REDIC1: variants seen among roughly 807,000 people sequenced by gnomAD.
REDIC1 encodes HEI10 Interacting Protein 1.
chr12:39,856,358 C>T, the REDIC1 span, among the ~76,000 whole-genome samples: 1 of 151,970 alleles, frequency 6.6e-6, no homozygotes, highest in Non-Finnish European at 1.5e-5. Context: ...CTTTGCTATG[C>T]TTTATTTTAT....
the REDIC1 span, among the ~76,000 whole-genome samples, chr12:39,676,167 A>T: frequency 6.6e-6 from 1 of 152,190 alleles, no homozygotes; most frequent in Non-Finnish European, 1.5e-5. Context: ...AGGTACTAGA[A>T]AAGGGAGAAC....
the REDIC1 span, among the ~76,000 whole-genome samples, chr12:39,816,311 G>A: frequency 7.3e-5 from 11 of 151,626 alleles, no homozygotes; most frequent in Non-Finnish European, 1.3e-4. Context: ...ATGAAAGGCC[G>A]TAGGTTGGGT....
chr12:39,820,396 T>C, the REDIC1 span, among the ~76,000 whole-genome samples: 5 of 152,198 alleles, frequency 3.3e-5, no homozygotes, highest in African/African-American at 9.6e-5. Context: ...TGATTGGCAT[T>C]GGTTCATGAA....
At chr12:39,659,874 CCTTGGAAACACTATGGTA>C in the REDIC1 span, among the ~76,000 whole-genome samples, 4 of 152,120 alleles carry the variant, frequency 2.6e-5, no homozygotes, top group East Asian at 5.8e-4. Context: ...TGCACATCAT[CCTTGGAAACACTATGGTA>C]CTTGGAAACA....
At chr12:39,707,795 T>G in the REDIC1 span, among the ~76,000 whole-genome samples, 2 of 151,860 alleles carry the variant, frequency 1.3e-5, no homozygotes, top group Non-Finnish European at 2.9e-5. Flanking sequence ...TCATATAACC[T>G]TTAAAATCAA....
At chr12:39,789,385 G>C in the REDIC1 span, among the ~76,000 whole-genome samples, 1 of 152,012 alleles carries the variant, frequency 6.6e-6, no homozygotes, top group Non-Finnish European at 1.5e-5. Context: ...TTTAGCTACA[G>C]TTTATTTTGA....
At chr12:39,846,161 T>C in the REDIC1 span, among the ~76,000 whole-genome samples, 8 of 152,250 alleles carry the variant, frequency 5.3e-5, no homozygotes, top group East Asian at 1.9e-4. Flanking sequence ...TTCAGAACCA[T>C]ATAGATAAGA....
the REDIC1 span, among the ~76,000 whole-genome samples, chr12:39,713,678 T>C: frequency 6.9e-6 from 1 of 145,278 alleles, no homozygotes; most frequent in Non-Finnish European, 1.5e-5. Flanking sequence ...CATATGTATG[T>C]ATGCCTGTAT....
At chr12:39,788,793 T>C in the REDIC1 span, 1 of 152,172 alleles carries the variant, frequency 6.6e-6, no homozygotes, top group Non-Finnish European at 1.5e-5. Flanking sequence ...TGATTTGTAT[T>C]AGAAAGTAGC....
the REDIC1 span, among the ~76,000 whole-genome samples, chr12:39,883,187 T>C: frequency 6.6e-6 from 1 of 152,162 alleles, no homozygotes; most frequent in Non-Finnish European, 1.5e-5. Context: ...TAAGAAAGCA[T>C]TCAAACAATC....
the REDIC1 span, among the ~76,000 whole-genome samples, chr12:39,798,288 G>C: frequency 6.6e-6 from 1 of 152,188 alleles, no homozygotes; most frequent in South Asian, 2.1e-4. Flanking sequence ...CAGAGCCTCA[G>C]CTCAGCTTCT....
At chr12:39,737,760 A>G in the REDIC1 span, among the ~76,000 whole-genome samples, 1 of 152,218 alleles carries the variant, frequency 6.6e-6, no homozygotes, top group Admixed American at 6.5e-5. Context: ...TGTTAACCAT[A>G]AATTTCTAGT....
the REDIC1 span, among the ~76,000 whole-genome samples, chr12:39,653,382 T>C: frequency 6.6e-6 from 1 of 151,966 alleles, no homozygotes; most frequent in Non-Finnish European, 1.5e-5. Context: ...ATCTTTTGAC[T>C]TTGACAATTT....
chr12:39,816,372 T>C, the REDIC1 span, among the ~76,000 whole-genome samples: 1 of 139,930 alleles, frequency 7.1e-6, no homozygotes, highest in African/African-American at 2.7e-5. Flanking sequence ...TAGGTGGGAA[T>C]TGAACAATGA....
the REDIC1 span, among the ~76,000 whole-genome samples, chr12:39,671,443 G>A: frequency 6.6e-6 from 1 of 152,140 alleles, no homozygotes; most frequent in Non-Finnish European, 1.5e-5. Context: ...GCCTGTTCTT[G>A]GATTTCTAGA....
chr12:39,759,225 C>G, the REDIC1 span: 1 of 152,296 alleles, frequency 6.6e-6, no homozygotes, highest in Non-Finnish European at 1.5e-5. Flanking sequence ...AAGTGACTAA[C>G]CAATTTGGAA....
chr12:39,850,178 C>T, the REDIC1 span, among the ~76,000 whole-genome samples: 842 of 152,124 alleles, frequency 5.5e-3, 5 homozygotes, highest in Non-Finnish European at 7.9e-3. Flanking sequence ...GTGGATTTGT[C>T]CATAAGTAGC....
the REDIC1 span, among the ~76,000 whole-genome samples, chr12:39,712,545 TAC>T: frequency 9.9e-3 from 1,405 of 142,232 alleles, 13 homozygotes; most frequent in Non-Finnish European, 0.016. Flanking sequence ...TATGCGTATA[TAC>T]ACGACATATG....
chr12:39,832,591 AC>A, the REDIC1 span, among the ~76,000 whole-genome samples: 2 of 152,058 alleles, frequency 1.3e-5, no homozygotes, highest in African/African-American at 4.8e-5. Flanking sequence ...CCTGTGACCT[AC>A]TATGTGCCAC....
Sources: gnomAD v4.1 joint callset for allele counts (sites outside exome capture counted in the v4.1 genomes callset) on GRCh38, gnomAD v4.1.1 for gene constraint, MANE v1.5 for transcripts, NCBI Gene and HGNC (gene_info 2026-07-23, HGNC 2026-07-21) for gene names.